RXFP1: variants seen among roughly 807,000 people sequenced by gnomAD.
RXFP1 encodes the protein relaxin receptor 1.
RXFP1 carries 73 observed loss-of-function variants against 89.8 expected under a neutral mutation model. That is an observed-to-expected ratio of 0.81 (90% CI 0.67 to 0.99). The LOEUF (loss-of-function observed/expected upper bound fraction) is 0.99. Ranked by LOEUF, RXFP1 falls within the 50% of genes least tolerant of loss-of-function variation. The pLI, the probability that RXFP1 is intolerant of heterozygous loss-of-function variation, is 0.00. For synonymous variants in RXFP1, 277 were observed against 305.5 expected, an observed-to-expected ratio of 0.91 and a Z score of 0.97; for missense variants, 793 against 895.5, an observed-to-expected ratio of 0.89 and a Z score of 1.46.
chr4:158,584,404 A>G (rs1019739559), intron 2 of RXFP1, among the ~76,000 whole-genome samples: 1 of 151,906 alleles, frequency 6.6e-6, no homozygotes, highest in African/African-American at 2.4e-5. Flanking sequence ...ACTGCACTCC[A>G]GCCTGGGCAA....
intron 1 of RXFP1, among the ~76,000 whole-genome samples, chr4:158,535,886 T>C (rs1399196869): frequency 6.6e-6 from 1 of 152,238 alleles, no homozygotes; most frequent in East Asian, 1.9e-4. Context: ...CCTTGTGTTA[T>C]TTTCCAACTC....
At chr4:158,544,273 C>T (rs988222765) in intron 1 of RXFP1, 1 of 985,022 alleles carries the variant, frequency 1.0e-6, no homozygotes, top group Non-Finnish European at 1.2e-6. Context: ...TGTTTCTGAC[C>T]TTGTGGGACA....
intron 6 of RXFP1, among the ~76,000 whole-genome samples, chr4:158,611,722 G>T (rs1361022007): frequency 6.6e-6 from 1 of 152,160 alleles, no homozygotes; most frequent in Non-Finnish European, 1.5e-5. Flanking sequence ...CCCTAGCAAA[G>T]CTGGGTGCTT....
At chr4:158,557,656 G>A (rs186685059) in intron 1 of RXFP1, among the ~76,000 whole-genome samples, 105 of 152,240 alleles carry the variant, frequency 6.9e-4, no homozygotes, top group Non-Finnish European at 1.3e-3. Flanking sequence ...AAGCCACTGC[G>A]CCCAACCTAT....
At chr4:158,564,845 T>C (rs1435746893) in intron 1 of RXFP1, among the ~76,000 whole-genome samples, 2 of 152,208 alleles carry the variant, frequency 1.3e-5, no homozygotes, top group Non-Finnish European at 2.9e-5. Flanking sequence ...AAAGATATGG[T>C]TCCATGCTAA....
At chr4:158,627,968 A>T (rs1767238036) in intron 10 of RXFP1, among the ~76,000 whole-genome samples, 1 of 152,168 alleles carries the variant, frequency 6.6e-6, no homozygotes. Context: ...TTTAAGGTCC[A>T]AGAATATTGG....
intron 14 of RXFP1, among the ~76,000 whole-genome samples, chr4:158,644,361 T>A (rs1382231634): frequency 6.6e-6 from 1 of 152,202 alleles, no homozygotes; most frequent in Non-Finnish European, 1.5e-5. Flanking sequence ...TGTCTTCTTT[T>A]GAGAAATATC....
intron 9 of RXFP1, among the ~76,000 whole-genome samples, chr4:158,623,882 T>C (rs1263552900): frequency 6.6e-6 from 1 of 152,128 alleles, no homozygotes; most frequent in Non-Finnish European, 1.5e-5. Flanking sequence ...TCTTGTACCA[T>C]GAAGACAAGG....
chr4:158,595,183 C>T (rs909434318), intron 3 of RXFP1, among the ~76,000 whole-genome samples: 7 of 152,192 alleles, frequency 4.6e-5, no homozygotes, highest in African/African-American at 1.7e-4. Flanking sequence ...AATTCTCTTA[C>T]TCATCATCAC....
At chr4:158,626,277 A>G (rs1412976789) in intron 9 of RXFP1, among the ~76,000 whole-genome samples, 1 of 152,062 alleles carries the variant, frequency 6.6e-6, no homozygotes, top group East Asian at 1.9e-4. Context: ...AGACAATATA[A>G]AAAGCAAATA....
At chr4:158,535,596 A>C (rs557269345) in intron 1 of RXFP1, among the ~76,000 whole-genome samples, 1 of 152,368 alleles carries the variant, frequency 6.6e-6, no homozygotes, top group South Asian at 2.1e-4. Flanking sequence ...CACTTGAGTC[A>C]CTGGAAAGAT....
In RXFP1 at chr4:158,600,518, C is replaced by CT. The variant is rs141240373; in HGVS notation, c.392+1087_392+1088insT. Among the ~76,000 whole-genome samples, 1,041 of 152,272 alleles carry CT rather than the reference C, an allele frequency of 6.8e-3. 36 individuals carry two copies. The highest frequency in any genetic ancestry group is 0.049 in the Admixed American group (754 of 15,294). On this transcript the variant is annotated intron_variant, in intron 4 of 17. Transcript: ENST00000307765. Reference sequence around the variant, plus strand: ...GCCTTACCATGGCTCTTTCTCATAGCAATTAGTCCTGCTAGAAAAAAGTAA... The same window carrying CT: ...GCCTTACCATGGCTCTTTCTCATAGCTAATTAGTCCTGCTAGAAAAAAGTAA...
intron 12 of RXFP1, among the ~76,000 whole-genome samples, chr4:158,633,979 T>A (rs1446692435): frequency 6.6e-6 from 1 of 152,240 alleles, no homozygotes; most frequent in African/African-American, 2.4e-5. Context: ...ATAATGTTGC[T>A]ATGAACATGG....
At chr4:158,541,247 AG>A (rs1223001651) in intron 1 of RXFP1, among the ~76,000 whole-genome samples, 7 of 152,140 alleles carry the variant, frequency 4.6e-5, no homozygotes. Context: ...ACAGATTCCA[AG>A]TTATAAATAC....
chr4:158,596,027 G>T (rs1194550211), intron 3 of RXFP1, among the ~76,000 whole-genome samples: 1 of 151,394 alleles, frequency 6.6e-6, no homozygotes, highest in African/African-American at 2.4e-5. Context: ...TGCTACTCAG[G>T]AGCCCAGGAG....
intron 2 of RXFP1, among the ~76,000 whole-genome samples, chr4:158,573,333 T>C (rs1382210128): frequency 2.0e-5 from 3 of 152,166 alleles, no homozygotes; most frequent in Admixed American, 6.5e-5. Flanking sequence ...TTCCATGTAA[T>C]GGTATCACAG....
rs138026862 is a variant in RXFP1, at chr4:158,585,915, C to A, written c.188-7486C>A. On this transcript the variant is annotated intron_variant, in intron 2 of 17. Coordinates refer to ENST00000307765, the MANE Select transcript of RXFP1 (RefSeq NM_021634.4). ...CTACTTGATGGTCGACATCTAGCAA[C>A]TTTGCTTAAAAGCAATACACTCCGA... 1.5e-3 allele frequency among the ~76,000 whole-genome samples: 234 copies of A among 152,346 alleles called. 1 individual carries two copies. Among genetic ancestry groups the A allele is most frequent in the Non-Finnish European group, 2.3e-3 (157 of 68,036 alleles).
At position 158,561,307 on chromosome 4, in the gene RXFP1, A is replaced by T. The variant is rs1267104966; in HGVS notation, c.50-11391A>T. 3.3e-5 allele frequency among the ~76,000 whole-genome samples: 5 copies of T among 152,346 alleles called. No individual in the cohort carries two copies. The East Asian group carries it at 9.6e-4, about 29-fold the overall frequency. On this transcript the variant is annotated intron_variant, in intron 1 of 17. Transcript: ENST00000307765. ...GAAATCCGAAATGTTTCAAACTCTGAAACTTCTTGAGCACTCACAAGATGC... is the reference window on the plus strand; with the variant it reads ...GAAATCCGAAATGTTTCAAACTCTGTAACTTCTTGAGCACTCACAAGATGC...
At chr4:158,634,678 T>C (rs1050341619) in intron 12 of RXFP1, among the ~76,000 whole-genome samples, 3 of 152,186 alleles carry the variant, frequency 2.0e-5, no homozygotes, top group Non-Finnish European at 4.4e-5. Flanking sequence ...AATATTTAGG[T>C]CTTAAATCCA....
Sources: allele counts gnomAD v4.1 joint callset (sites outside exome capture counted in the v4.1 genomes callset), GRCh38; gene constraint gnomAD v4.1.1; transcripts MANE v1.5; gene names NCBI Gene and HGNC (gene_info 2026-07-23, HGNC 2026-07-21).